Variants in DYNC1H1 observed in about 807,000 individuals in gnomAD.
DYNC1H1 encodes the protein cytoplasmic dynein 1 heavy chain 1.
Under a neutral mutation model 527.1 loss-of-function variants are expected in DYNC1H1, and 51 were observed. The observed-to-expected ratio is 0.10, with a 90% CI of 0.08 to 0.12. DYNC1H1 has a LOEUF of 0.12. Among genes scored for constraint, DYNC1H1 ranks in the 10% least tolerant of loss-of-function variants. The pLI, the probability that DYNC1H1 is intolerant of heterozygous loss-of-function variation, is 1.00. For synonymous variants in DYNC1H1, 2,189 were observed against 2,278.8 expected (o/e 0.96, Z 1.12); for missense variants, 2,771 against 5,971.8 (o/e 0.46, Z 17.66).
rs1277822566 is a variant in DYNC1H1, at chr14:101,965,013, C to G, written c.256+66C>G. On this transcript the variant is annotated intron_variant, in intron 1 of 77. Transcript: ENST00000360184. This position sits in a 1 kb window ranked among gnomAD's most constrained non-coding sequence, Gnocchi z 4.1. The stretch of plus-strand genomic sequence containing the variant: ...CGCGGAATGCAGGGCCTGCCAGGTC[C>G]TCCGGGGTCGCAGATGTCCCCGGGA... 7.3e-6 allele frequency: 11 copies of G among 1,509,662 alleles called. No homozygotes were observed. Among genetic ancestry groups the G allele is most frequent in the African/African-American group, 1.4e-5 (1 of 72,030 alleles). 93.5% of individuals were successfully genotyped at this position (1,509,662 alleles called of 1,614,324 possible). A position where few individuals can be genotyped will look rare whatever the true frequency, so the allele number is the denominator to read the frequency against.
intron 72 of DYNC1H1, among the ~76,000 whole-genome samples, chr14:102,046,059 T>C (rs1185926842): frequency 6.6e-6 from 1 of 151,620 alleles, no homozygotes; most frequent in African/African-American, 2.4e-5. Context: ...TCCCAGCTAC[T>C]CAAGAGGCTG....
In DYNC1H1 at chr14:101,997,386, A is replaced by T. The variant is rs191575771; in HGVS notation, c.3804+112A>T. The stretch of plus-strand genomic sequence containing the variant: ...GTGACTGAGCTTTCTAGTATTGAAG[A>T]CTCTTTTCCTTTTTGTAGTTAAAAA... On this transcript the variant is annotated intron_variant, in intron 16 of 77. Transcript: ENST00000360184. This position sits in a 1 kb window ranked among gnomAD's most constrained non-coding sequence, Gnocchi z 4.8. The T allele has an allele frequency of 2.6e-6, 4 of 1,544,028 alleles. No individual in the cohort carries two copies. In the African/African-American group the frequency reaches 5.5e-5, roughly 21 times the overall value.
In DYNC1H1 at chr14:102,005,332, A is replaced by G; in HGVS notation, c.5433+96A>G. The G allele has an allele frequency of 1.3e-6, 2 of 1,506,690 alleles. No homozygotes were observed. Among genetic ancestry groups the G allele is most frequent in the African/African-American group, 1.4e-5 (1 of 73,056 alleles). The allele number at this position is 1,506,690 out of a possible 1,614,324, so 93.3% of individuals were successfully genotyped here. On this transcript the variant is annotated intron_variant, in intron 26 of 77. Transcript: ENST00000360184. The surrounding 1 kb of genome is among the most constrained non-coding windows in gnomAD (Gnocchi z 4.0). ...ATCATGCTTGAAAAAGGTTTCAGGT[A>G]GTATCAAGGAGAACAGTGGATGGTG...
intron 63 of DYNC1H1, 60 bp downstream of exon 63, chr14:102,040,470 A>C: frequency 6.2e-7 from 1 of 1,613,372 alleles, no homozygotes; most frequent in South Asian, 1.1e-5. Flanking sequence ...AGGAAATGTA[A>C]GGAATTGCAT....
chr14:101,988,262 C>T (rs1307650079), intron 9 of DYNC1H1, among the ~76,000 whole-genome samples: 2 of 152,178 alleles, frequency 1.3e-5, no homozygotes, highest in African/African-American at 4.8e-5. Flanking sequence ...AGGTGTCCTC[C>T]TCTGATGACC....
At position 102,005,117 on chromosome 14, in the gene DYNC1H1, G is replaced by A. The variant is rs1316914842; in HGVS notation, c.5314G>A (p.Gly1772Ser). The A allele has an allele frequency of 6.2e-7, 1 of 1,614,202 alleles. No homozygotes were observed. Among genetic ancestry groups the A allele is most frequent in the South Asian group, 1.1e-5 (1 of 91,080 alleles). The change falls in exon 26 of 78, where the codon GGT (glycine) becomes AGT (serine). Residue 1772 changes from glycine (G) to serine (S), a missense_variant. By Grantham distance (56) the Gly-to-Ser change is moderately conservative (BLOSUM62 0). Transcript: ENST00000360184. The surrounding 1 kb of genome is among the most constrained non-coding windows in gnomAD (Gnocchi z 4.0). ...GACCGCACTGAGCAGCATGGGCGGA[G>A]GTGGAGATGCCGCGCCCTTGCACTC... ...VETALSSMGG[G>S]GDAAPLHSVL...
At chr14:101,977,522 G>A (rs574968356) in intron 2 of DYNC1H1, among the ~76,000 whole-genome samples, 1 of 152,156 alleles carries the variant, frequency 6.6e-6, no homozygotes, top group Non-Finnish European at 1.5e-5. Context: ...TCAGTACAAT[G>A]ATCAAATTCA....
At position 101,964,991 on chromosome 14, in the gene DYNC1H1, G is replaced by A. The variant is rs781220646; in HGVS notation, c.256+44G>A. 3.2e-6 allele frequency: 5 copies of A among 1,557,240 alleles called. No homozygotes were observed. The South Asian group carries it at 4.7e-5, about 15-fold the overall frequency. On this transcript the variant is annotated intron_variant, in intron 1 of 77. Coordinates refer to ENST00000360184, the MANE Select transcript of DYNC1H1 (RefSeq NM_001376.5). The surrounding 1 kb of genome is among the most constrained non-coding windows in gnomAD (Gnocchi z 5.5). ...CAGGGTCGCCAGAGCCAGGCCTCGC[G>A]GAATGCAGGGCCTGCCAGGTCCTCC...
rs2048461563 is a variant in DYNC1H1, at chr14:102,027,261, G to C, written c.8859G>C (p.Met2953Ile). ...KTTLSRFVAW[M>I]NGLSVYQIKV... ...CCCTGTCTCGTTTCGTCGCCTGGAT[G>C]AACGGTTTGAGTGTGTACCAGATTA... The change falls in exon 45 of 78, where the codon ATG becomes ATC. Residue 2953 changes from methionine (M) to isoleucine (I), a missense_variant. Met to Ile is a conservative substitution (Grantham distance 10). Coordinates refer to ENST00000360184, the MANE Select transcript of DYNC1H1 (RefSeq NM_001376.5). This position sits in a 1 kb window ranked among gnomAD's most constrained non-coding sequence, Gnocchi z 7.7. 1 of 1,613,980 alleles carries C rather than the reference G, an allele frequency of 6.2e-7. No individual in the cohort carries two copies. Among genetic ancestry groups the C allele is most frequent in the South Asian group, 1.1e-5 (1 of 91,070 alleles).
intron 1 of DYNC1H1, among the ~76,000 whole-genome samples, chr14:101,973,542 A>G (rs969060839): frequency 6.6e-6 from 1 of 152,152 alleles, no homozygotes; most frequent in African/African-American, 2.4e-5. Flanking sequence ...GTTGGGCGCA[A>G]TGACTCATGC....
intron 1 of DYNC1H1, among the ~76,000 whole-genome samples, chr14:101,966,848 G>A (rs563883323): frequency 6.6e-6 from 1 of 152,132 alleles, no homozygotes; most frequent in African/African-American, 2.4e-5. Flanking sequence ...CTATGTTTAT[G>A]TAGTACAATA....
At chr14:101,974,919 G>A (rs1304357907) in intron 1 of DYNC1H1, among the ~76,000 whole-genome samples, 2 of 152,196 alleles carry the variant, frequency 1.3e-5, no homozygotes, top group African/African-American at 2.4e-5. Context: ...CTCACAGCCG[G>A]GGAGGAAGAT....
At chr14:101,980,266 A>G in intron 4 of DYNC1H1, 98 bp from the exon 5 acceptor site, 1 of 1,448,496 alleles carries the variant, frequency 6.9e-7, no homozygotes, top group Non-Finnish European at 9.6e-7. Flanking sequence ...TCTACTTGAA[A>G]TATAAAAATT....
chr14:102,005,932 C>G lies in DYNC1H1; in HGVS notation c.5478C>G (p.Ile1826Met), dbSNP rs779885899. The G allele has an allele frequency of 6.2e-7, 1 of 1,614,226 alleles. No homozygotes were observed. The highest frequency in any genetic ancestry group is 8.5e-7 in the Non-Finnish European group (1 of 1,180,042). Reference protein sequence around the residue: ...VHQRDVTRSLIKSKIDNAKSF... With the variant: ...VHQRDVTRSLMKSKIDNAKSF... ...AGAGAGATGTTACAAGGTCCTTGAT[C>G]AAAAGCAAGATTGACAACGCCAAAT... The change falls in exon 27 of 78, where the codon ATC becomes ATG. Residue 1826 changes from isoleucine (I) to methionine (M), a missense_variant. By Grantham distance (10) the Ile-to-Met change is conservative (BLOSUM62 1). Coordinates refer to ENST00000360184, the MANE Select transcript of DYNC1H1 (RefSeq NM_001376.5). The surrounding 1 kb of genome is among the most constrained non-coding windows in gnomAD (Gnocchi z 4.0).
rs933774490 is a variant in DYNC1H1 at position 102,005,544 on chromosome 14, C to T, written c.5433+308C>T. ...GCAGTGCTAAGCTGCACGGCACGGG[C>T]AGTGCTTGCTGCGAGCCCCATGGCG... On this transcript the variant is annotated intron_variant, in intron 26 of 77. Transcript: ENST00000360184. The surrounding 1 kb of genome is among the most constrained non-coding windows in gnomAD (Gnocchi z 4.0). 6.6e-6 allele frequency among the ~76,000 whole-genome samples: 1 copy of T among 152,240 alleles called. No individual in the cohort carries two copies. The highest frequency in any genetic ancestry group is 1.5e-5 in the Non-Finnish European group (1 of 68,044).
rs149271785 is a variant in DYNC1H1, at chr14:102,033,949, G to T, written c.10414-27G>T. ...ATAAATCCTGAAAGGCCTCATCCCT[G>T]AGCATCTTGTTCGGTTTTCCTTTTA... On this transcript the variant is annotated intron_variant, in intron 54 of 77. Coordinates refer to ENST00000360184, the MANE Select transcript of DYNC1H1 (RefSeq NM_001376.5). The surrounding 1 kb of genome is among the most constrained non-coding windows in gnomAD (Gnocchi z 5.6). The T allele has an allele frequency of 6.2e-7, 1 of 1,612,348 alleles. No homozygotes were observed. The highest frequency in any genetic ancestry group is 1.3e-5 in the African/African-American group (1 of 75,018).
intron 1 of DYNC1H1, among the ~76,000 whole-genome samples, chr14:101,973,110 C>A (rs77407846): frequency 6.6e-6 from 1 of 151,952 alleles, no homozygotes; most frequent in South Asian, 2.1e-4. Flanking sequence ...GAATGTTCTG[C>A]CGCCTACTCC....
chr14:101,989,031 G>A (rs1289846729), intron 10 of DYNC1H1, among the ~76,000 whole-genome samples, 179 bp downstream of exon 10: 3 of 152,200 alleles, frequency 2.0e-5, no homozygotes, highest in African/African-American at 7.2e-5. Context: ...CTGATGTGAT[G>A]CGATGGGAAG....
chr14:102,016,450 T>C lies in DYNC1H1; in HGVS notation c.7575T>C (p.Pro2525=). 1 of 1,614,092 alleles carries C rather than the reference T, an allele frequency of 6.2e-7. No individual in the cohort carries two copies. Among genetic ancestry groups the C allele is most frequent in the South Asian group, 1.1e-5 (1 of 91,080 alleles). Residue 2525 remains proline (P), a synonymous_variant, in exon 37 of 78, where the codon CCT becomes CCC. Transcript: ENST00000360184. The surrounding 1 kb of genome is among the most constrained non-coding windows in gnomAD (Gnocchi z 7.3). ...ACATCAGAAGAATCACGACCGTGCC[T>C]CTGCCCACTGCGCCCAACATACCCA... The part of the protein sequence containing the change: ...GEYIRRITTV[P]LPTAPNIPII...
Sources: gnomAD v4.1 joint callset for allele counts (sites outside exome capture counted in the v4.1 genomes callset) on GRCh38, gnomAD v4.1.1 for gene constraint, Gnocchi (gnomAD v3.1) non-coding constraint, MANE v1.5 for transcripts, NCBI Gene and HGNC (gene_info 2026-07-23, HGNC 2026-07-21) for gene names.